Variants in STPG2 observed in about 807,000 individuals in gnomAD.
The protein encoded by STPG2 is sperm-tail PG-rich repeat-containing protein 2.
In STPG2, 56 loss-of-function variants were observed where a neutral mutation model predicts 54.2. The observed-to-expected ratio is 1.03, with a 90% confidence interval of 0.83 to 1.29. The LOEUF (loss-of-function observed/expected upper bound fraction) is 1.29. Among genes scored for constraint, STPG2 ranks in the 50% most tolerant of loss-of-function variants. The pLI is 0.00. For missense variants in STPG2, 596 were observed against 544.9 expected, an observed-to-expected ratio of 1.09 and a Z score of -0.93; for synonymous variants, 200 against 181.8, an observed-to-expected ratio of 1.10 and a Z score of -0.81.
chr4:97,967,297 T>C (rs1404435809), intron 7 of STPG2, among the ~76,000 whole-genome samples: 2 of 151,616 alleles, frequency 1.3e-5, no homozygotes, highest in Non-Finnish European at 2.9e-5. Flanking sequence ...AAGGGATCAA[T>C]TCAACAAAAA....
chr4:97,547,567 C>A (rs1051593755), intron 4 of STPG2, among the ~76,000 whole-genome samples: 48 of 152,142 alleles, frequency 3.2e-4, no homozygotes, highest in African/African-American at 1.1e-3. Flanking sequence ...TTAGAAAGTA[C>A]TCTGCCTGCA....
chr4:97,953,201 G>C (rs1252815929), intron 7 of STPG2, among the ~76,000 whole-genome samples: 1 of 152,190 alleles, frequency 6.6e-6, no homozygotes, highest in Non-Finnish European at 1.5e-5. Context: ...TTGGCCACTA[G>C]AGTAATGTTC....
At chr4:98,127,151 G>A (rs1739854813) in intron 3 of STPG2, among the ~76,000 whole-genome samples, 1 of 151,896 alleles carries the variant, frequency 6.6e-6, no homozygotes, top group African/African-American at 2.4e-5. Flanking sequence ...TTGTGGCAAA[G>A]GGAGAGGAAT....
At chr4:97,748,631 CTG>C (rs1725491830) in intron 9 of STPG2, among the ~76,000 whole-genome samples, 1 of 151,488 alleles carries the variant, frequency 6.6e-6, no homozygotes, top group Non-Finnish European at 1.5e-5. Context: ...TATATGGTCT[CTG>C]TTGCAAGTAT....
intron 9 of STPG2, among the ~76,000 whole-genome samples, chr4:97,741,116 G>T (rs1725215589): frequency 2.0e-5 from 3 of 152,118 alleles, no homozygotes; most frequent in Non-Finnish European, 4.4e-5. Context: ...ATAGGGAAAG[G>T]ATTCCCTATT....
At chr4:97,674,682 A>G (rs1722787948) in intron 10 of STPG2, among the ~76,000 whole-genome samples, 1 of 152,188 alleles carries the variant, frequency 6.6e-6, no homozygotes, top group Admixed American at 6.5e-5. Context: ...TAAAACCACA[A>G]AGCACTGCAT....
chr4:97,630,605 A>T (rs2148932225), intron 10 of STPG2, among the ~76,000 whole-genome samples: 1 of 152,048 alleles, frequency 6.6e-6, no homozygotes, highest in East Asian at 1.9e-4. Flanking sequence ...TCTGAAATTC[A>T]GATTTTGAAA....
At chr4:97,661,854 G>A (rs955053153) in intron 10 of STPG2, among the ~76,000 whole-genome samples, 4 of 152,090 alleles carry the variant, frequency 2.6e-5, no homozygotes, top group Admixed American at 1.3e-4. Flanking sequence ...TGTCTCCACA[G>A]AGCTTTGGCA....
intron 1 of STPG2, among the ~76,000 whole-genome samples, chr4:98,138,118 A>G (rs1245276714): frequency 1.3e-5 from 2 of 152,022 alleles, no homozygotes; most frequent in Non-Finnish European, 2.9e-5. Context: ...ACATGCATGT[A>G]TGATAGGCAG....
At chr4:97,759,925 T>TA (rs1473329452) in intron 9 of STPG2, among the ~76,000 whole-genome samples, 3 of 152,150 alleles carry the variant, frequency 2.0e-5, no homozygotes, top group Non-Finnish European at 4.4e-5. Context: ...AATCTATTCT[T>TA]AAAATTAACA....
At chr4:97,840,154 GCTT>G (rs1560548726) in intron 9 of STPG2, among the ~76,000 whole-genome samples, 1 of 151,172 alleles carries the variant, frequency 6.6e-6, no homozygotes, top group Non-Finnish European at 1.5e-5. Flanking sequence ...TTTTAATATA[GCTT>G]CTTTCTTTAT....
chr4:97,661,647 T>G (rs1722379234), intron 10 of STPG2, among the ~76,000 whole-genome samples: 1 of 151,990 alleles, frequency 6.6e-6, no homozygotes, highest in Non-Finnish European at 1.5e-5. Context: ...ATAATCTTAA[T>G]TCCTAAAAGG....
At chr4:98,061,545 A>G (rs377255674) in intron 5 of STPG2, among the ~76,000 whole-genome samples, 2 of 152,174 alleles carry the variant, frequency 1.3e-5, no homozygotes, top group East Asian at 3.8e-4. Flanking sequence ...ATTACAGTTT[A>G]GCATTATATT....
intron 5 of STPG2, among the ~76,000 whole-genome samples, chr4:97,998,301 C>T (rs2149273884): frequency 6.6e-6 from 1 of 152,284 alleles, no homozygotes; most frequent in Middle Eastern, 3.4e-3. Flanking sequence ...CCCAGAGCGT[C>T]CTTACAAGTA....
At chr4:97,753,173 C>A (rs1165834354) in intron 9 of STPG2, among the ~76,000 whole-genome samples, 2 of 152,024 alleles carry the variant, frequency 1.3e-5, no homozygotes, top group East Asian at 3.9e-4. Flanking sequence ...TCACCACCAC[C>A]ACTTCCCAAA....
At chr4:97,652,643 C>T (rs1638482256) in intron 10 of STPG2, among the ~76,000 whole-genome samples, 1 of 151,482 alleles carries the variant, frequency 6.6e-6, no homozygotes, top group Non-Finnish European at 1.5e-5. Flanking sequence ...GAAATTATGC[C>T]CTAAAGGATA....
intron 8 of STPG2, among the ~76,000 whole-genome samples, chr4:97,885,920 C>T (rs1375475689): frequency 6.6e-6 from 1 of 151,978 alleles, no homozygotes; most frequent in East Asian, 1.9e-4. Context: ...CTTAAAGAAA[C>T]ACAAAGATAA....
At chr4:97,722,182 T>A (rs1326635644) in intron 9 of STPG2, among the ~76,000 whole-genome samples, 3 of 151,828 alleles carry the variant, frequency 2.0e-5, no homozygotes, top group Admixed American at 6.6e-5. Flanking sequence ...ATGATTAGTA[T>A]GAGAAAAGAC....
rs1189196566 is a variant in STPG2, at chr4:98,021,202, G to A, written c.613-39884C>T. 2.4e-5 allele frequency among the ~76,000 whole-genome samples: 3 copies of A among 126,234 alleles called. 1 individual carries two copies. Among genetic ancestry groups the A allele is most frequent in the African/African-American group, 9.3e-5 (3 of 32,334 alleles). 82.8% of individuals were successfully genotyped at this position (126,234 alleles called of 152,430 possible). ...CACACTGCTTTGAATGTGTCTCAGA[G>A]ATTCTGGTATGTTGTGTCTTTGTTC... is the stretch of plus-strand genomic sequence containing the variant. On this transcript the variant is annotated intron_variant, in intron 5 of 10. Coordinates refer to ENST00000295268, the MANE Select transcript of STPG2 (RefSeq NM_174952.3).
Sources: allele counts gnomAD v4.1 joint callset (sites outside exome capture counted in the v4.1 genomes callset), GRCh38; gene constraint gnomAD v4.1.1; transcripts MANE v1.5; gene names NCBI Gene and HGNC (gene_info 2026-07-23, HGNC 2026-07-21).